CYP2S1: variants seen among roughly 807,000 people sequenced by gnomAD.
CYP2S1 encodes the protein cytochrome P450 2S1.
CYP2S1 carries 32 observed loss-of-function variants against 43.5 expected under a neutral mutation model. The ratio of observed to expected loss-of-function variants is 0.74; its 90% CI spans 0.56 to 0.99. The LOEUF is 0.99. Among genes scored for constraint, CYP2S1 ranks in the 50% least tolerant of loss-of-function variants. The pLI is 0.00. For synonymous variants in CYP2S1, 283 were observed against 302.9 expected (o/e 0.93, Z 0.68); for missense variants, 575 against 673.9 (o/e 0.85, Z 1.62).
At chr19:41,205,358 CTTTCTTTCTTTCTTTCTTTCTT>C (rs1398322790) in intron 7 of CYP2S1, among the ~76,000 whole-genome samples, 14 of 99,424 alleles carry the variant, frequency 1.4e-4, no homozygotes, top group African/African-American at 6.1e-4. Context: ...TTCTTTCTTT[CTTTCTTTCTTTCTTTCTTTCTT>C]TCTCTCTCTC....
intron 7 of CYP2S1, among the ~76,000 whole-genome samples, chr19:41,204,387 A>C (rs1216802252): frequency 2.0e-5 from 3 of 147,792 alleles, no homozygotes; most frequent in African/African-American, 7.4e-5. Context: ...TGCTGCAGAC[A>C]CATTCTCTCC....
At chr19:41,205,352 T>TTCTTTC (rs1555727559) in intron 7 of CYP2S1, among the ~76,000 whole-genome samples, 1 of 98,998 alleles carries the variant, frequency 1.0e-5, no homozygotes, top group East Asian at 2.3e-4. Context: ...TTTTCTTTCT[T>TTCTTTC]TCTTTCTTTC....
In CYP2S1 at chr19:41,194,574, A is replaced by G. The variant is rs756524311; in HGVS notation, c.208A>G (p.Ile70Val). 20 of 1,605,674 alleles carry G rather than the reference A, an allele frequency of 1.2e-5. No individual in the cohort carries two copies. The Admixed American group carries it at 1.4e-4, about 11-fold the overall frequency. The change falls in exon 2 of 9, where the codon ATC (isoleucine) becomes GTC (valine). Residue 70 changes from isoleucine to valine, a missense_variant. Transcript: ENST00000310054. ...TAAGAAGTACGGACCGGTGTTCACC[A>G]TCTACCTGGGACCCTGGCGGCCTGT... ...LSKKYGPVFTIYLGPWRPVVV... is the reference protein window; with the variant it reads ...LSKKYGPVFTVYLGPWRPVVV...
chr19:41,207,214 C>G lies in CYP2S1; in HGVS notation c.*726C>G, dbSNP rs2033594411. ...TTAAGCACCCTGATTCTACCAAATG[C>G]AAACACATCTGGGTCTGCGATTATG... On this transcript the variant is annotated 3_prime_UTR_variant, in exon 9 of 9. Transcript: ENST00000310054. 3.8e-6 allele frequency: 1 copy of G among 260,226 alleles called. No homozygotes were observed. Among genetic ancestry groups the G allele is most frequent in the Admixed American group, 4.9e-5 (1 of 20,508 alleles). 16.1% of individuals were successfully genotyped at this position (260,226 alleles called of 1,614,324 possible). A position where few individuals can be genotyped will look rare whatever the true frequency, so the allele number is the denominator to read the frequency against.
At chr19:41,197,054 G>T (rs1445466645) in intron 2 of CYP2S1, among the ~76,000 whole-genome samples, 1 of 152,094 alleles carries the variant, frequency 6.6e-6, no homozygotes, top group Non-Finnish European at 1.5e-5. Context: ...AATTAGCTGG[G>T]CGTAGTGGCA....
At chr19:41,197,978 ACT>A (rs777018300) in intron 3 of CYP2S1, 50 bp downstream of exon 3, 28 of 1,552,906 alleles carry the variant, frequency 1.8e-5, no homozygotes, top group Non-Finnish European at 2.3e-5. Flanking sequence ...GAAAGGGAAA[ACT>A]CTCCTACTGT....
In CYP2S1 at chr19:41,194,601, G is replaced by A. The variant is rs926100896; in HGVS notation, c.235G>A (p.Val79Met). 8 of 1,611,462 alleles carry A rather than the reference G, an allele frequency of 5.0e-6. No individual in the cohort carries two copies. The highest frequency in any genetic ancestry group is 6.8e-6 in the Non-Finnish European group (8 of 1,179,044). ...TIYLGPWRPV[V>M]VLVGQEAVRE... ...CTACCTGGGACCCTGGCGGCCTGTG[G>A]TGGTCCTGGTTGGGCAGGAGGCTGT... is the stretch of plus-strand genomic sequence containing the variant. The change falls in exon 2 of 9, where the codon GTG (valine) becomes ATG (methionine). Residue 79 changes from valine to methionine, a missense_variant. Val to Met is a conservative substitution (Grantham distance 21). Around this residue, in one of 2 missense-constraint regions of CYP2S1, gnomAD observed 353 missense variants for 367.6 expected, o/e 0.96. Coordinates refer to ENST00000310054, the MANE Select transcript of CYP2S1 (RefSeq NM_030622.8).
At position 41,203,608 on chromosome 19, in the gene CYP2S1, A is replaced by C. The variant is rs375245799; in HGVS notation, c.1135A>C (p.Thr379Pro). 1.5e-4 allele frequency: 237 copies of C among 1,549,370 alleles called. No homozygotes were observed. Among genetic ancestry groups the C allele is most frequent in the Non-Finnish European group, 2.0e-4 (224 of 1,146,852 alleles). Residue 379 changes from threonine to proline, a missense_variant, in exon 7 of 9, where the codon ACC becomes CCC. By Grantham distance (38) the Thr-to-Pro change is conservative (BLOSUM62 -1). This residue lies in a region of CYP2S1 where 222 missense variants were observed against 306.3 expected (regional missense o/e 0.72). Transcript: ENST00000310054. ...MGIPRTLMRT[T>P]RFRGYTLPQG... ...AATACCCCGCACCCTCATGCGGACC[A>C]CCCGCTTCCGAGGGTACACCCTGCC...
In CYP2S1 at chr19:41,198,329, G is replaced by A. The variant is rs749816459; in HGVS notation, c.494-133G>A. 9 of 1,183,456 alleles carry A rather than the reference G, an allele frequency of 7.6e-6. No individual in the cohort carries two copies. Among genetic ancestry groups the A allele is most frequent in the South Asian group, 1.4e-5 (1 of 69,254 alleles). 73.3% of individuals were successfully genotyped at this position (1,183,456 alleles called of 1,614,324 possible). On this transcript the variant is annotated intron_variant, in intron 3 of 8. Coordinates refer to ENST00000310054, the MANE Select transcript of CYP2S1 (RefSeq NM_030622.8). The surrounding 1 kb of genome is among the most constrained non-coding windows in gnomAD (Gnocchi z 4.9). ...TATCTGTCTGTATCCTTCTTTGCCT[G>A]TTTAGCTCTCTCCCTGCGCTGTCCA...
At chr19:41,193,622 G>T (rs2033370791) in intron 1 of CYP2S1, 181 bp downstream of exon 1, 2 of 1,221,330 alleles carry the variant, frequency 1.6e-6, no homozygotes, top group South Asian at 5.9e-5. Flanking sequence ...GGGCTGAGAA[G>T]GGGAGAGGTG....
intron 2 of CYP2S1, among the ~76,000 whole-genome samples, chr19:41,195,784 A>G (rs1482992549): frequency 6.6e-6 from 1 of 152,116 alleles, no homozygotes; most frequent in Non-Finnish European, 1.5e-5. Flanking sequence ...ACGCTGGCTC[A>G]TGCCTGTAAT....
In CYP2S1 at chr19:41,194,695, C is replaced by T. The variant is rs770814612; in HGVS notation, c.329C>T (p.Thr110Ile). The T allele has an allele frequency of 1.2e-6, 2 of 1,611,422 alleles. No homozygotes were observed. The highest frequency in any genetic ancestry group is 1.7e-6 in the Non-Finnish European group (2 of 1,178,996). Residue 110 changes from threonine (T) to isoleucine (I), a missense_variant, in exon 2 of 9, where the codon ACT (threonine) becomes ATT (isoleucine). Coordinates refer to ENST00000310054, the MANE Select transcript of CYP2S1 (RefSeq NM_030622.8). ...GGAACCGTAGCGATGCTGGAAGGGA[C>T]TTTTGATGGCCATGGTAAGTCAAGG... ...GRGTVAMLEG[T>I]FDGHGVFFSN...
intron 7 of CYP2S1, among the ~76,000 whole-genome samples, chr19:41,204,207 T>G (rs562467744): frequency 2.1e-4 from 32 of 152,234 alleles, no homozygotes; most frequent in African/African-American, 7.5e-4. Context: ...TTGGTTTGTG[T>G]TTTCTTCCCC....
chr19:41,202,298 AT>A (rs1293477213), intron 6 of CYP2S1, among the ~76,000 whole-genome samples: 2 of 151,860 alleles, frequency 1.3e-5, no homozygotes, highest in Non-Finnish European at 2.9e-5. Flanking sequence ...CAACTCTAGC[AT>A]TTTCGGGTCA....
At chr19:41,201,207 G>A in intron 5 of CYP2S1, 24 bp from the exon 6 acceptor site, 2 of 1,612,384 alleles carry the variant, frequency 1.2e-6, no homozygotes, top group Non-Finnish European at 1.7e-6. Context: ...TGTTCTCTCA[G>A]CCCCTCTGCC....
Position 41,206,881 on chromosome 19 carries a change from CCATT to C in CYP2S1, c.*397_*400del. ...CATGTTCACAGCTCACACGCCCTCT[CCATT>C]CATCGAACTTCTCAGTGTCCCTGTC... On this transcript the variant is annotated 3_prime_UTR_variant, in exon 9 of 9. Coordinates refer to ENST00000310054, the MANE Select transcript of CYP2S1 (RefSeq NM_030622.8). 2.3e-6 allele frequency: 1 copy of C among 434,350 alleles called. No individual in the cohort carries two copies. Among genetic ancestry groups the C allele is most frequent in the South Asian group, 1.7e-5 (1 of 58,558 alleles). 26.9% of individuals were successfully genotyped at this position (434,350 alleles called of 1,614,324 possible). A position where few individuals can be genotyped will look rare whatever the true frequency, so the allele number is the denominator to read the frequency against.
At position 41,203,642 on chromosome 19, in the gene CYP2S1, G is replaced by A; in HGVS notation, c.1164+5G>A. 3.3e-6 allele frequency: 5 copies of A among 1,529,856 alleles called. No individual in the cohort carries two copies. Among genetic ancestry groups the A allele is most frequent in the Non-Finnish European group, 4.4e-6 (5 of 1,134,840 alleles). 94.8% of individuals were successfully genotyped at this position (1,529,856 alleles called of 1,614,324 possible). On this transcript the variant is annotated splice_donor_5th_base_variant and intron_variant, in intron 7 of 8. Transcript: ENST00000310054. ...CGAGGGTACACCCTGCCCCAGGTGG[G>A]TATGCGTATGGCTGCCACCCATGGT...
At chr19:41,202,359 G>A (rs780709462) in intron 6 of CYP2S1, among the ~76,000 whole-genome samples, 3 of 152,212 alleles carry the variant, frequency 2.0e-5, no homozygotes, top group Non-Finnish European at 4.4e-5. Context: ...TATGGGAGTG[G>A]AGGTCCTGGT....
At position 41,206,137 on chromosome 19, in the gene CYP2S1, G is replaced by A. The variant is rs376130697; in HGVS notation, c.1306+38G>A. 3.7e-5 allele frequency: 59 copies of A among 1,610,464 alleles called. No homozygotes were observed. In the African/African-American group the frequency reaches 6.6e-4, roughly 18 times the overall value. ...GCCCTGGGTATCACAAGCAGGTGCT[G>A]GCGAACTCCAGGCATCTGTGCCAGC... On this transcript the variant is annotated intron_variant, in intron 8 of 8. Coordinates refer to ENST00000310054, the MANE Select transcript of CYP2S1 (RefSeq NM_030622.8).
Sources: gnomAD v4.1 joint callset for allele counts (sites outside exome capture counted in the v4.1 genomes callset) on GRCh38, gnomAD v4.1.1 for gene constraint, gnomAD v4.1.1 regional missense constraint, Gnocchi (gnomAD v3.1) non-coding constraint, MANE v1.5 for transcripts, NCBI Gene and HGNC (gene_info 2026-07-23, HGNC 2026-07-21) for gene names.